GLIS3: variants seen among roughly 807,000 people sequenced by gnomAD.
GLIS3 encodes zinc finger protein GLIS3.
In GLIS3, 53 loss-of-function variants were observed where a neutral mutation model predicts 78.6. The ratio of observed to expected loss-of-function variants is 0.67; its 90% CI spans 0.54 to 0.85. The LOEUF (loss-of-function observed/expected upper bound fraction) is 0.85. Ranked by LOEUF, GLIS3 falls within the 40% of genes least tolerant of loss-of-function variation. The probability of loss-of-function intolerance (pLI) is 0.00; values close to 1 mark genes in which losing one functional copy is unlikely to be tolerated. For missense variants in GLIS3, 1,703 were observed against 1,231.1 expected, an observed-to-expected ratio of 1.38 and a Z score of -5.74; for synonymous variants, 684 against 509.9, an observed-to-expected ratio of 1.34 and a Z score of -4.60.
At chr9:3,859,350 AACACACACACACACACAC>A (rs34973607) in intron 8 of GLIS3, among the ~76,000 whole-genome samples, 93 of 148,968 alleles carry the variant, frequency 6.2e-4, no homozygotes, top group Middle Eastern at 3.5e-3. Flanking sequence ...GTTTCTTCGA[AACACACACACACACACAC>A]ACACACACAC....
chr9:3,924,509 T>C (rs1825096257), intron 6 of GLIS3, among the ~76,000 whole-genome samples: 1 of 152,234 alleles, frequency 6.6e-6, no homozygotes, highest in South Asian at 2.1e-4. Context: ...GCCACCTGCC[T>C]GGTATCCACC....
At chr9:4,286,547 C>T (rs1828020925) in intron 1 of GLIS3, 24 bp from the exon 2 acceptor site, 5 of 1,204,498 alleles carry the variant, frequency 4.2e-6, no homozygotes, top group Non-Finnish European at 5.9e-6. Flanking sequence ...TAAACGCAGG[C>T]ATTTTTAAAA....
chr9:3,989,848 AT>A (rs1454897818), intron 4 of GLIS3, among the ~76,000 whole-genome samples: 1 of 152,214 alleles, frequency 6.6e-6, no homozygotes, highest in African/African-American at 2.4e-5. Flanking sequence ...CTAGCAACAC[AT>A]TGTATAGAAC....
intron 9 of GLIS3, among the ~76,000 whole-genome samples, chr9:3,854,632 G>T (rs10973832): frequency 0.021 from 3,246 of 151,936 alleles, 147 homozygotes; most frequent in African/African-American, 0.075. Flanking sequence ...CGCCTCCCGG[G>T]TTCATGCTAT....
chr9:3,954,520 T>C (rs1174988062), intron 4 of GLIS3, among the ~76,000 whole-genome samples: 1 of 152,234 alleles, frequency 6.6e-6, no homozygotes, highest in African/African-American at 2.4e-5. Flanking sequence ...ACTTGGATTT[T>C]AGTCAGTGGG....
chr9:4,315,499 C>A (rs1484185479), intron 2 of GLIS3, among the ~76,000 whole-genome samples: 1 of 152,070 alleles, frequency 6.6e-6, no homozygotes, highest in Non-Finnish European at 1.5e-5. Flanking sequence ...TTTTTTAAAG[C>A]CTTTAAATTG....
chr9:4,042,855 A>G (rs896423547), intron 4 of GLIS3, among the ~76,000 whole-genome samples: 4 of 151,890 alleles, frequency 2.6e-5, no homozygotes, highest in African/African-American at 9.7e-5. Context: ...AAAGGAAATT[A>G]TATTGAGTTT....
intron 2 of GLIS3, among the ~76,000 whole-genome samples, chr9:4,162,783 G>A (rs769321086): frequency 6.7e-5 from 10 of 148,764 alleles, no homozygotes; most frequent in East Asian, 4.0e-4. Context: ...CCTGAACTCT[G>A]GAGGCGGAGC....
intron 2 of GLIS3, among the ~76,000 whole-genome samples, chr9:4,158,236 T>C (rs1411359136): frequency 1.3e-5 from 2 of 152,244 alleles, no homozygotes; most frequent in African/African-American, 4.8e-5. Flanking sequence ...TCTGAGTTTC[T>C]CTTTATTGGA....
In GLIS3 at chr9:4,117,789, C is replaced by A; in HGVS notation, c.1689G>T (p.Gly563=). The A allele has an allele frequency of 6.2e-7, 1 of 1,614,174 alleles. No homozygotes were observed. Among genetic ancestry groups the A allele is most frequent in the Non-Finnish European group, 8.5e-7 (1 of 1,180,036 alleles). Residue 563 remains glycine, a synonymous_variant, in exon 4 of 11, where the codon GGG becomes GGT. Transcript: ENST00000381971. ...TCACCGTACACTTGTTGGGCTTCTCCCCAGAGTGGACTCTCATGTGGATCA... is the reference window on the plus strand; with the variant it reads ...TCACCGTACACTTGTTGGGCTTCTCACCAGAGTGGACTCTCATGTGGATCA... ...KLLIHMRVHS[G]EKPNKCTFEG...
At chr9:4,115,165 T>G (rs1831540384) in intron 4 of GLIS3, among the ~76,000 whole-genome samples, 1 of 152,242 alleles carries the variant, frequency 6.6e-6, no homozygotes, top group East Asian at 1.9e-4. Context: ...CACAATGTGG[T>G]CATCATTTCT....
At chr9:4,265,800 A>C (rs1825944555) in intron 2 of GLIS3, among the ~76,000 whole-genome samples, 1 of 152,308 alleles carries the variant, frequency 6.6e-6, no homozygotes, top group Non-Finnish European at 1.5e-5. Context: ...TTTCCCCTCT[A>C]AAGATGATAA....
chr9:4,457,149 G>C, the GLIS3 span, among the ~76,000 whole-genome samples: 2 of 152,014 alleles, frequency 1.3e-5, no homozygotes, highest in African/African-American at 4.8e-5. Flanking sequence ...GATTGCTTGA[G>C]GCCAGGAGTT....
chr9:3,925,836 G>A (rs113031615), intron 6 of GLIS3, among the ~76,000 whole-genome samples: 1 of 152,164 alleles, frequency 6.6e-6, no homozygotes, highest in African/African-American at 2.4e-5. Context: ...TGATGTTTTT[G>A]TGACCAGAAA....
the GLIS3 span, among the ~76,000 whole-genome samples, chr9:4,449,586 C>T: frequency 7.4e-4 from 112 of 152,320 alleles, 2 homozygotes; most frequent in Non-Finnish European, 2.6e-4. Context: ...ATTGATACCT[C>T]ATACAGGTGG....
At chr9:3,968,603 T>C (rs1245875991) in intron 4 of GLIS3, among the ~76,000 whole-genome samples, 1 of 152,124 alleles carries the variant, frequency 6.6e-6, no homozygotes, top group East Asian at 1.9e-4. Flanking sequence ...ATAGGTAAGG[T>C]TTTTTTCACC....
At chr9:3,984,831 T>C (rs1386285430) in intron 4 of GLIS3, among the ~76,000 whole-genome samples, 2 of 152,174 alleles carry the variant, frequency 1.3e-5, no homozygotes, top group Non-Finnish European at 2.9e-5. Context: ...GGGGCGTGTC[T>C]TCCCTGCACT....
intron 9 of GLIS3, among the ~76,000 whole-genome samples, chr9:3,844,633 C>G (rs548250839): frequency 1.3e-5 from 2 of 152,288 alleles, no homozygotes; most frequent in South Asian, 4.1e-4. Flanking sequence ...CTGGATATTT[C>G]TTTCTCATCA....
At chr9:4,266,076 G>A (rs533780368) in intron 2 of GLIS3, among the ~76,000 whole-genome samples, 2 of 151,864 alleles carry the variant, frequency 1.3e-5, no homozygotes, top group Non-Finnish European at 1.5e-5. Flanking sequence ...CCGCCACCAT[G>A]CCCGGCTAAT....
Sources: gnomAD v4.1 joint callset for allele counts (sites outside exome capture counted in the v4.1 genomes callset) on GRCh38, gnomAD v4.1.1 for gene constraint, MANE v1.5 for transcripts, NCBI Gene and HGNC (gene_info 2026-07-23, HGNC 2026-07-21) for gene names.